The following FUT8 variants were observed in gnomAD, a reference collection of about 807,000 sequenced individuals.
FUT8 encodes fucosyltransferase 8, also known as alpha-(1,6)-fucosyltransferase.
In FUT8, 29 loss-of-function variants were observed where a neutral mutation model predicts 71.3. The ratio of observed to expected loss-of-function variants is 0.41; its 90% CI spans 0.30 to 0.55. The LOEUF (loss-of-function observed/expected upper bound fraction) is 0.55. Among genes scored for constraint, FUT8 ranks in the 20% least tolerant of loss-of-function variants. The probability of loss-of-function intolerance (pLI) is 0.34; values close to 1 mark genes in which losing one functional copy is unlikely to be tolerated. For missense variants in FUT8, 544 were observed against 702.1 expected (o/e 0.77, Z 2.55); for synonymous variants, 254 against 239.3 (o/e 1.06, Z -0.57).
chr14:65,429,926 TC>T (rs1218685361), intron 1 of FUT8, among the ~76,000 whole-genome samples: 5 of 145,814 alleles, frequency 3.4e-5, no homozygotes, highest in Admixed American at 1.4e-4. Flanking sequence ...AAAAGTTGAA[TC>T]CCAAAGCTTT....
the FUT8 span, among the ~76,000 whole-genome samples, chr14:65,367,916 T>G: frequency 2.0e-5 from 3 of 152,134 alleles, no homozygotes; most frequent in African/African-American, 7.2e-5. Context: ...TAAGAAAAGC[T>G]GGCAAACTGA....
intron 2 of FUT8, among the ~76,000 whole-genome samples, chr14:65,465,656 T>C (rs2066032437): frequency 6.6e-6 from 1 of 152,250 alleles, no homozygotes; most frequent in Admixed American, 6.5e-5. Context: ...TCTATTTGTA[T>C]GGTGTCTATT....
intron 1 of FUT8, among the ~76,000 whole-genome samples, chr14:65,424,539 CTTTTTT>C (rs796843891): frequency 3.2e-5 from 4 of 125,418 alleles, no homozygotes; most frequent in African/African-American, 1.2e-4. Context: ...CTTTTCTTTT[CTTTTTT>C]TTTTTTTTTT....
chr14:65,493,380 C>G lies in FUT8; in HGVS notation c.-228+37662C>G, dbSNP rs936952778. 2.6e-5 allele frequency among the ~76,000 whole-genome samples: 4 copies of G among 151,894 alleles called. No individual in the cohort carries two copies. The East Asian group carries it at 7.7e-4, about 29-fold the overall frequency. ...CCTTCTCCCTCTGTTATTCTGTATT[C>G]TTTTCATTTTGTTAGATATATTTTG... On this transcript the variant is annotated intron_variant, in intron 2 of 10. Transcript: ENST00000673929.
intron 2 of FUT8, among the ~76,000 whole-genome samples, chr14:65,523,629 T>G (rs1883238117): frequency 6.6e-6 from 1 of 152,256 alleles, no homozygotes; most frequent in South Asian, 2.1e-4. Flanking sequence ...TTTTGGTGTT[T>G]CAGAATGAAG....
intron 1 of FUT8, among the ~76,000 whole-genome samples, chr14:65,441,909 A>C (rs1462920268): frequency 1.3e-5 from 2 of 151,456 alleles, no homozygotes; most frequent in Non-Finnish European, 2.9e-5. Context: ...TTAACTTGTC[A>C]TTTACATTAG....
intron 6 of FUT8, among the ~76,000 whole-genome samples, chr14:65,641,532 G>T (rs566935445): frequency 2.0e-5 from 3 of 152,170 alleles, no homozygotes; most frequent in African/African-American, 7.2e-5. Context: ...ATACCTAGGA[G>T]TGGAATGGCT....
intron 2 of FUT8, among the ~76,000 whole-genome samples, chr14:65,554,720 T>TCTTCA (rs761258750): frequency 2.8e-4 from 43 of 152,120 alleles, no homozygotes; most frequent in Non-Finnish European, 5.3e-4. Flanking sequence ...GCTTGCTGCT[T>TCTTCA]CTTCATTCTT....
chr14:65,511,917 G>A (rs1882370694), intron 2 of FUT8, among the ~76,000 whole-genome samples: 1 of 152,102 alleles, frequency 6.6e-6, no homozygotes. Context: ...GACAAACAAG[G>A]ACTTATTCCT....
At chr14:65,390,290 T>G in the FUT8 span, among the ~76,000 whole-genome samples, 1 of 146,472 alleles carries the variant, frequency 6.8e-6, no homozygotes, top group Non-Finnish European at 1.5e-5. Context: ...GCCACTGCAC[T>G]CCAGCCTGGC....
chr14:65,477,441 G>A (rs1400635101), intron 2 of FUT8, among the ~76,000 whole-genome samples: 2 of 152,076 alleles, frequency 1.3e-5, no homozygotes, highest in African/African-American at 4.8e-5. Flanking sequence ...TTTTTGATTA[G>A]TCATTTATTC....
intron 5 of FUT8, among the ~76,000 whole-genome samples, chr14:65,626,352 A>G (rs1889895317): frequency 6.6e-6 from 1 of 152,208 alleles, no homozygotes; most frequent in Admixed American, 6.5e-5. Flanking sequence ...CAAAATTAGT[A>G]GGAGATAGAA....
chr14:65,435,617 A>G (rs1413601286), intron 1 of FUT8, among the ~76,000 whole-genome samples: 1 of 151,322 alleles, frequency 6.6e-6, no homozygotes. Context: ...TCACTTGGGT[A>G]AATACCTAGG....
At chr14:65,633,210 G>C (rs573970081) in intron 6 of FUT8, among the ~76,000 whole-genome samples, 2 of 152,074 alleles carry the variant, frequency 1.3e-5, no homozygotes, top group African/African-American at 4.8e-5. Flanking sequence ...TGGTGGAGAC[G>C]GGGTTTCGCT....
intron 2 of FUT8, among the ~76,000 whole-genome samples, chr14:65,466,881 C>G (rs1489120406): frequency 6.6e-6 from 1 of 152,142 alleles, no homozygotes; most frequent in Non-Finnish European, 1.5e-5. Flanking sequence ...AAATACCTTA[C>G]AACTTAGTAT....
chr14:65,557,725 G>A (rs1202345150), intron 2 of FUT8, among the ~76,000 whole-genome samples: 1 of 151,736 alleles, frequency 6.6e-6, no homozygotes, highest in African/African-American at 2.4e-5. Flanking sequence ...AGTATATTTA[G>A]TATTTTGCAG....
At position 65,692,337 on chromosome 14, in the gene FUT8, G is replaced by A. The variant is rs1422198992; in HGVS notation, c.835+22857G>A. Among the ~76,000 whole-genome samples, 46 of 150,428 alleles carry A rather than the reference G, an allele frequency of 3.1e-4. No homozygotes were observed. The South Asian group carries it at 8.9e-3, about 29-fold the overall frequency. On this transcript the variant is annotated intron_variant, in intron 7 of 10. Transcript: ENST00000673929. ...GAGGCGCCCCTCACCTCCCAGACGG[G>A]GCGGCTGGCCGGGCGGGGGGCTGAC...
At chr14:65,737,575 A>T (rs1005143574) in intron 10 of FUT8, among the ~76,000 whole-genome samples, 14 of 152,138 alleles carry the variant, frequency 9.2e-5, no homozygotes, top group Admixed American at 5.9e-4. Flanking sequence ...AGTTGTAGAT[A>T]GGCACAGTAT....
chr14:65,461,587 A>G (rs1007797127), intron 2 of FUT8, among the ~76,000 whole-genome samples: 4 of 152,190 alleles, frequency 2.6e-5, no homozygotes, highest in African/African-American at 9.7e-5. Flanking sequence ...TATAGTAGAA[A>G]GAAAACCAGT....
Sources: gnomAD v4.1 joint callset for allele counts (sites outside exome capture counted in the v4.1 genomes callset) on GRCh38, gnomAD v4.1.1 for gene constraint, MANE v1.5 for transcripts, NCBI Gene and HGNC (gene_info 2026-07-23, HGNC 2026-07-21) for gene names.